Variants in DACH2 observed in about 807,000 individuals in gnomAD.
DACH2 encodes dachshund family transcription factor 2.
A neutral mutation model predicts 35.8 loss-of-function variants in DACH2; 17 were observed. That is an observed-to-expected ratio of 0.48 (90% confidence interval 0.33 to 0.71). DACH2 has a LOEUF of 0.71. Ranked by LOEUF, DACH2 falls within the 30% of genes least tolerant of loss-of-function variation. The pLI, the probability that DACH2 is intolerant of heterozygous loss-of-function variation, is 0.02. For synonymous variants in DACH2, 195 were observed against 177.3 expected, an observed-to-expected ratio of 1.10 and a Z score of -0.79; for missense variants, 469 against 472.7, an observed-to-expected ratio of 0.99 and a Z score of 0.07.
Position 86,336,578 on chromosome X carries a change from C to T in DACH2, c.489-40246C>T, listed in dbSNP as rs189593675. 3.0e-3 allele frequency among the ~76,000 whole-genome samples: 331 copies of T among 111,688 alleles called. 1 individual carries two copies. The highest frequency in any genetic ancestry group is 0.011 in the African/African-American group (325 of 30,764). ...CAGAGACCCCATAGAAGGTCACCCA[C>T]ATCAAAGACCAAATGTAGATAAATC... On this transcript the variant is annotated intron_variant, in intron 1 of 11. Coordinates refer to ENST00000373125, the MANE Select transcript of DACH2 (RefSeq NM_053281.3).
At chrX:86,709,460 A>G (rs1691991555) in intron 5 of DACH2, among the ~76,000 whole-genome samples, 2 of 112,307 alleles carry the variant, frequency 1.8e-5, no homozygotes, top group Admixed American at 1.9e-4. Flanking sequence ...CTATTAGAAG[A>G]TAACATCAGA....
chrX:86,326,624 A>G (rs1002785118), intron 1 of DACH2, among the ~76,000 whole-genome samples: 1 of 110,381 alleles, frequency 9.1e-6, no homozygotes, highest in Non-Finnish European at 1.9e-5. Flanking sequence ...AGTGCGAATG[A>G]ATCTGTCACT....
rs180866819 is a variant in DACH2 at position 86,298,379 on chromosome X, A to G, written c.489-78445A>G. The stretch of plus-strand genomic sequence containing the variant: ...TCTTTTAACTCTATTTTTCTGCACA[A>G]CTGACTAATATGAATATTGTAGTTA... On this transcript the variant is annotated intron_variant, in intron 1 of 11. Coordinates refer to ENST00000373125, the MANE Select transcript of DACH2 (RefSeq NM_053281.3). 6.4e-4 allele frequency among the ~76,000 whole-genome samples: 72 copies of G among 112,079 alleles called. No homozygotes were observed. The East Asian group carries it at 0.02, about 31-fold the overall frequency.
intron 2 of DACH2, among the ~76,000 whole-genome samples, chrX:86,416,556 C>T (rs1175690355): frequency 9.0e-6 from 1 of 111,657 alleles, no homozygotes. Context: ...AATGTCTGTT[C>T]ATCAGCAAGA....
chrX:86,339,799 A>G (rs2035382431), intron 1 of DACH2, among the ~76,000 whole-genome samples: 1 of 112,168 alleles, frequency 8.9e-6, no homozygotes, highest in Non-Finnish European at 1.9e-5. Flanking sequence ...ATGCTAAAAG[A>G]TTCTTCAAAA....
intron 2 of DACH2, among the ~76,000 whole-genome samples, chrX:86,402,752 C>T (rs995214343): frequency 1.3e-4 from 14 of 111,460 alleles, no homozygotes; most frequent in African/African-American, 4.2e-4. Context: ...AGAACAAAAC[C>T]AGAGACATCA....
At chrX:86,380,177 C>A (rs979328167) in intron 2 of DACH2, among the ~76,000 whole-genome samples, 1 of 110,284 alleles carries the variant, frequency 9.1e-6, no homozygotes, top group Non-Finnish European at 1.9e-5. Flanking sequence ...CATATTAGTT[C>A]TTTTAATCAT....
intron 1 of DACH2, among the ~76,000 whole-genome samples, chrX:86,251,421 A>G (rs146118774): frequency 0.032 from 3,576 of 110,096 alleles, 74 homozygotes; most frequent in Middle Eastern, 0.065. Context: ...GATTTCTGAG[A>G]TTTTGGTGCA....
chrX:86,373,570 G>A (rs1003376605), intron 1 of DACH2, among the ~76,000 whole-genome samples: 1 of 110,627 alleles, frequency 9.0e-6, no homozygotes, highest in Non-Finnish European at 1.9e-5. Context: ...CATTCAGGTC[G>A]GTATATTGGG....
chrX:86,801,043 CT>C (rs1393001612), intron 7 of DACH2, among the ~76,000 whole-genome samples: 2 of 110,801 alleles, frequency 1.8e-5, no homozygotes, highest in African/African-American at 6.6e-5. Flanking sequence ...AGTGCTTTGC[CT>C]TGTTAATTAA....
At chrX:86,380,134 C>T (rs1278378872) in intron 2 of DACH2, among the ~76,000 whole-genome samples, 1 of 110,553 alleles carries the variant, frequency 9.0e-6, no homozygotes, top group East Asian at 2.8e-4. Flanking sequence ...TAATATTTAA[C>T]ATTTATCAAA....
At chrX:86,452,860 CT>C (rs2037404510) in intron 2 of DACH2, among the ~76,000 whole-genome samples, 1 of 111,215 alleles carries the variant, frequency 9.0e-6, no homozygotes, top group Admixed American at 9.6e-5. Flanking sequence ...CTTCTGCTAG[CT>C]TTTGGGTCTG....
At chrX:86,480,320 A>G (rs933584794) in intron 2 of DACH2, among the ~76,000 whole-genome samples, 1 of 112,058 alleles carries the variant, frequency 8.9e-6, no homozygotes, top group Non-Finnish European at 1.9e-5. Flanking sequence ...TTTCTGCCAA[A>G]CAAATGGATT....
At chrX:86,461,848 G>T (rs1212518879) in intron 2 of DACH2, among the ~76,000 whole-genome samples, 1 of 111,232 alleles carries the variant, frequency 9.0e-6, no homozygotes, top group African/African-American at 3.3e-5. Context: ...TTATTTTTTT[G>T]AAGTTCGTAT....
chrX:86,221,697 C>T (rs2032714967), intron 1 of DACH2, among the ~76,000 whole-genome samples: 1 of 112,101 alleles, frequency 8.9e-6, no homozygotes, highest in Non-Finnish European at 1.9e-5. Flanking sequence ...TGTTTAGTGA[C>T]ATAAATAGCA....
chrX:86,640,160 G>A (rs964605310), intron 3 of DACH2, among the ~76,000 whole-genome samples: 9 of 110,557 alleles, frequency 8.1e-5, no homozygotes, highest in Non-Finnish European at 1.5e-4. Flanking sequence ...TCCTCATCTG[G>A]CAGGCCCTCC....
At chrX:86,664,286 A>G (rs751351688) in intron 4 of DACH2, among the ~76,000 whole-genome samples, 1 of 111,587 alleles carries the variant, frequency 9.0e-6, no homozygotes, top group South Asian at 3.8e-4. Flanking sequence ...CTCAAGAGAT[A>G]TATCAAGCAG....
intron 1 of DACH2, among the ~76,000 whole-genome samples, chrX:86,294,005 A>T (rs1465379375): frequency 2.7e-5 from 3 of 112,044 alleles, no homozygotes; most frequent in East Asian, 5.6e-4. Context: ...CCTGGATAAT[A>T]TCCTGCAGAG....
Sources: gnomAD v4.1 joint callset for allele counts (sites outside exome capture counted in the v4.1 genomes callset) on GRCh38, gnomAD v4.1.1 for gene constraint, MANE v1.5 for transcripts, NCBI Gene and HGNC (gene_info 2026-07-23, HGNC 2026-07-21) for gene names.